PTPRJ: variants seen among roughly 807,000 people sequenced by gnomAD.
PTPRJ encodes receptor-type tyrosine-protein phosphatase eta.
In PTPRJ, 129 loss-of-function variants were observed where a neutral mutation model predicts 141.3. The ratio of observed to expected loss-of-function variants is 0.91; its 90% CI spans 0.79 to 1.06. The LOEUF is 1.06. PTPRJ is among the 50% of genes least tolerant of loss of function. The pLI, the probability that PTPRJ is intolerant of heterozygous loss-of-function variation, is 0.00. For synonymous variants in PTPRJ, 610 were observed against 640.5 expected, an observed-to-expected ratio of 0.95 and a Z score of 0.72; for missense variants, 1,601 against 1,679.7, an observed-to-expected ratio of 0.95 and a Z score of 0.82.
intron 3 of PTPRJ, among the ~76,000 whole-genome samples, chr11:48,114,253 C>T (rs894256088): frequency 1.3e-5 from 2 of 151,798 alleles, no homozygotes; most frequent in Non-Finnish European, 2.9e-5. Context: ...GCCTGGCCAA[C>T]ATGGCAAAAC....
At chr11:48,091,234 T>A (rs1855859703) in intron 1 of PTPRJ, among the ~76,000 whole-genome samples, 1 of 152,134 alleles carries the variant, frequency 6.6e-6, no homozygotes, top group African/African-American at 2.4e-5. Context: ...TGCATCTCAA[T>A]TTTCCCTCTT....
chr11:48,110,035 T>G, intron 1 of PTPRJ, 23 bp from the exon 2 acceptor site: 2 of 1,613,712 alleles, frequency 1.2e-6, no homozygotes. Context: ...TCTGCTGACT[T>G]CCGTTTTCTT....
intron 1 of PTPRJ, among the ~76,000 whole-genome samples, chr11:47,992,219 G>C (rs899299420): frequency 1.1e-4 from 17 of 151,980 alleles, no homozygotes; most frequent in African/African-American, 3.9e-4. Context: ...TGTCACCCAG[G>C]CTGGAGTGCA....
chr11:48,059,661 A>G (rs1432475034), intron 1 of PTPRJ, among the ~76,000 whole-genome samples: 3 of 152,204 alleles, frequency 2.0e-5, no homozygotes, highest in South Asian at 2.1e-4. Flanking sequence ...TCACAGGGTT[A>G]TGGTCTCCTA....
chr11:48,042,900 G>T (rs1310162339), intron 1 of PTPRJ, among the ~76,000 whole-genome samples: 1 of 152,082 alleles, frequency 6.6e-6, no homozygotes, highest in Non-Finnish European at 1.5e-5. Context: ...TTCCTGAAAT[G>T]TAAGACCCAA....
chr11:48,053,577 C>CTA (rs1255478773), intron 1 of PTPRJ, among the ~76,000 whole-genome samples: 171 of 133,644 alleles, frequency 1.3e-3, no homozygotes, highest in Non-Finnish European at 2.1e-3. Context: ...ATATATAAAA[C>CTA]TATATATATA....
chr11:48,028,200 C>T (rs913215298), intron 1 of PTPRJ, among the ~76,000 whole-genome samples: 23 of 152,286 alleles, frequency 1.5e-4, no homozygotes, highest in Admixed American at 6.5e-4. Flanking sequence ...CACTGAAAGA[C>T]GTTTCTCTGA....
chr11:48,125,234 A>G (rs1856807305), intron 6 of PTPRJ, 48 bp downstream of exon 6: 4 of 1,576,290 alleles, frequency 2.5e-6, no homozygotes, highest in Non-Finnish European at 3.5e-6. Flanking sequence ...TCCTAGCACA[A>G]TGTTCTGTCT....
At chr11:48,042,783 T>A (rs575258488) in intron 1 of PTPRJ, among the ~76,000 whole-genome samples, 252 of 150,984 alleles carry the variant, frequency 1.7e-3, no homozygotes, top group Middle Eastern at 6.8e-3. Context: ...TGTGTGTGTG[T>A]GTGAGAGAGA....
intron 1 of PTPRJ, among the ~76,000 whole-genome samples, chr11:48,107,504 G>A (rs1013534071): frequency 6.6e-5 from 10 of 152,150 alleles, no homozygotes; most frequent in African/African-American, 2.2e-4. Context: ...TCTTTGGCCA[G>A]AACTGTGGGC....
chr11:47,986,746 C>T (rs71477903), intron 1 of PTPRJ, among the ~76,000 whole-genome samples: 2,313 of 152,276 alleles, frequency 0.015, 22 homozygotes, highest in Admixed American at 0.023. Flanking sequence ...TAACTCCTGA[C>T]CTCAGGTGAT....
At chr11:48,003,757 A>G (rs1446902581) in intron 1 of PTPRJ, among the ~76,000 whole-genome samples, 1 of 152,166 alleles carries the variant, frequency 6.6e-6, no homozygotes, top group Non-Finnish European at 1.5e-5. Flanking sequence ...TGGCTCCTCA[A>G]AGTGTTGGGA....
chr11:48,129,178 G>GT (rs752003998), intron 7 of PTPRJ, among the ~76,000 whole-genome samples: 1 of 152,216 alleles, frequency 6.6e-6, no homozygotes, highest in Non-Finnish European at 1.5e-5. Context: ...GGGAATTGAG[G>GT]TTTTGCAGAA....
chr11:48,088,068 T>C (rs1855763635), intron 1 of PTPRJ, among the ~76,000 whole-genome samples: 1 of 152,196 alleles, frequency 6.6e-6, no homozygotes, highest in South Asian at 2.1e-4. Context: ...GAAACCCCTC[T>C]AGCAGCATTT....
chr11:48,149,317 C>G (rs1287045149), intron 15 of PTPRJ, 130 bp from the exon 16 acceptor site: 9 of 681,864 alleles, frequency 1.3e-5, no homozygotes, highest in Non-Finnish European at 2.1e-5. Flanking sequence ...TTGGTGTCAG[C>G]TGTGAACTAA....
In PTPRJ at chr11:48,149,395, G is replaced by A. The variant is rs1590559600; in HGVS notation, c.3000-52G>A. 5.7e-6 allele frequency: 7 copies of A among 1,236,576 alleles called. No homozygotes were observed. The South Asian group carries it at 9.2e-5, about 16-fold the overall frequency. 76.6% of individuals were successfully genotyped at this position (1,236,576 alleles called of 1,614,324 possible). Reference sequence around the variant, plus strand: ...TCAACTCCAGATACACAAGGGAAAAGCACAGGAAGGAATCCTTTTTTGTCT... The same window carrying A: ...TCAACTCCAGATACACAAGGGAAAAACACAGGAAGGAATCCTTTTTTGTCT... On this transcript the variant is annotated intron_variant, in intron 15 of 24. Coordinates refer to ENST00000418331, the MANE Select transcript of PTPRJ (RefSeq NM_002843.4).
At chr11:48,015,565 G>T (rs950166490) in intron 1 of PTPRJ, among the ~76,000 whole-genome samples, 9 of 152,104 alleles carry the variant, frequency 5.9e-5, no homozygotes, top group African/African-American at 2.2e-4. Flanking sequence ...ATGGAGCTGG[G>T]TATAGTTAAA....
intron 18 of PTPRJ, among the ~76,000 whole-genome samples, chr11:48,151,365 T>C (rs1488735710): frequency 6.6e-6 from 1 of 151,186 alleles, no homozygotes; most frequent in African/African-American, 2.4e-5. Context: ...TCTCTTTGTC[T>C]CTTTTCCTCC....
intron 1 of PTPRJ, among the ~76,000 whole-genome samples, chr11:47,997,340 C>G (rs1854365129): frequency 6.6e-6 from 1 of 152,260 alleles, no homozygotes; most frequent in Non-Finnish European, 1.5e-5. Flanking sequence ...TGGCTGTCCT[C>G]TCATTCTCAT....
Sources: gnomAD v4.1 joint callset for allele counts (sites outside exome capture counted in the v4.1 genomes callset) on GRCh38, gnomAD v4.1.1 for gene constraint, MANE v1.5 for transcripts, NCBI Gene and HGNC (gene_info 2026-07-23, HGNC 2026-07-21) for gene names.